NSD1: variants seen among roughly 807,000 people sequenced by gnomAD.
NSD1 encodes histone-lysine N-methyltransferase, H3 lysine-36 specific.
In NSD1, 26 loss-of-function variants were observed where a neutral mutation model predicts 242.7. The ratio of observed to expected loss-of-function variants is 0.11; its 90% CI spans 0.08 to 0.15. NSD1 has a LOEUF of 0.15. Among genes scored for constraint, NSD1 ranks in the 10% least tolerant of loss-of-function variants. NSD1 has a pLI of 1.00. For synonymous variants in NSD1, 1,106 were observed against 1,178.1 expected, an observed-to-expected ratio of 0.94 and a Z score of 1.25; for missense variants, 2,495 against 3,272.8, an observed-to-expected ratio of 0.76 and a Z score of 5.80.
intron 3 of NSD1, among the ~76,000 whole-genome samples, chr5:177,194,579 C>CTT (rs1200627969): frequency 8.0e-4 from 71 of 88,528 alleles, no homozygotes; most frequent in South Asian, 3.0e-3. Context: ...CACCATGCCT[C>CTT]TTTTTTTTTT....
At chr5:177,179,221 T>A (rs1735329714) in intron 2 of NSD1, among the ~76,000 whole-genome samples, 1 of 152,132 alleles carries the variant, frequency 6.6e-6, no homozygotes, top group East Asian at 1.9e-4. Context: ...TTTTGTTTGT[T>A]TTGTTTTTTT....
intron 5 of NSD1, among the ~76,000 whole-genome samples, chr5:177,229,410 C>T (rs1370391966): frequency 6.6e-6 from 1 of 152,134 alleles, no homozygotes; most frequent in East Asian, 1.9e-4. Context: ...TTGGCTCTTG[C>T]TTTGTTTGAT....
intron 3 of NSD1, among the ~76,000 whole-genome samples, chr5:177,201,282 T>C (rs950982556): frequency 6.6e-6 from 1 of 152,106 alleles, no homozygotes; most frequent in Non-Finnish European, 1.5e-5. Context: ...GGATCTTGGC[T>C]CACTGCAACC....
upstream of NSD1, chr5:177,133,509 C>G (rs1340808294): frequency 2.0e-5 from 3 of 151,294 alleles, no homozygotes; most frequent in Admixed American, 2.0e-4. The surrounding 1 kb of genome is among the most constrained non-coding windows in gnomAD (Gnocchi z 6.2). Context: ...CCCGGGCAGC[C>G]GGGCCGGCCC....
chr5:177,238,930 A>G lies in NSD1; in HGVS notation c.4192+423A>G, dbSNP rs1765648878. Reference sequence around the variant, plus strand: ...CTATAAATGGAGATCATAATGTATTAATGTGTAATGTTATATACCTGACAA... The same window carrying G: ...CTATAAATGGAGATCATAATGTATTGATGTGTAATGTTATATACCTGACAA... On this transcript the variant is annotated intron_variant, in intron 7 of 22. Transcript: ENST00000439151. This position sits in a 1 kb window ranked among gnomAD's most constrained non-coding sequence, Gnocchi z 4.6. 6.6e-6 allele frequency among the ~76,000 whole-genome samples: 1 copy of G among 152,228 alleles called. No individual in the cohort carries two copies. Among genetic ancestry groups the G allele is most frequent in the Admixed American group, 6.5e-5 (1 of 15,284 alleles).
At chr5:177,153,367 C>A (rs1475834253) in intron 2 of NSD1, among the ~76,000 whole-genome samples, 7 of 151,956 alleles carry the variant, frequency 4.6e-5, no homozygotes, top group Admixed American at 4.6e-4. Context: ...GCATTTGTCC[C>A]ACACTTAGAT....
At chr5:177,228,380 C>A (rs1184293914) in intron 5 of NSD1, among the ~76,000 whole-genome samples, 1 of 151,486 alleles carries the variant, frequency 6.6e-6, no homozygotes, top group Non-Finnish European at 1.5e-5. Flanking sequence ...CCACGCTAAG[C>A]AGATTTTTGT....
chr5:177,205,262 C>T (rs1287323759), intron 4 of NSD1, among the ~76,000 whole-genome samples: 1 of 152,060 alleles, frequency 6.6e-6, no homozygotes, highest in Non-Finnish European at 1.5e-5. Flanking sequence ...TCTTGAACTC[C>T]TGATGTCAGG....
intron 16 of NSD1, among the ~76,000 whole-genome samples, chr5:177,273,156 A>G (rs1392422424): frequency 1.3e-5 from 2 of 152,142 alleles, no homozygotes; most frequent in Non-Finnish European, 2.9e-5. Flanking sequence ...TTGTTAGGAG[A>G]TGGCATCTGT....
chr5:177,201,995 C>T (rs1287891038), intron 3 of NSD1, among the ~76,000 whole-genome samples: 2 of 151,884 alleles, frequency 1.3e-5, no homozygotes, highest in African/African-American at 4.8e-5. Flanking sequence ...GAGGAAATCT[C>T]GTCTTTACTA....
chr5:177,151,410 C>T (rs1318791095), intron 2 of NSD1, among the ~76,000 whole-genome samples: 7 of 151,778 alleles, frequency 4.6e-5, no homozygotes, highest in South Asian at 4.2e-4. Context: ...ATTTTTGAGA[C>T]GGAGTTTCGC....
chr5:177,142,126 G>A lies in NSD1; in HGVS notation c.927+6096G>A, dbSNP rs182630158. ...TGGGATTACAGGCATGAGCCACTGCGCCCAGCCTATTATTTTCATTTTGAA... is the reference window on the plus strand; with the variant it reads ...TGGGATTACAGGCATGAGCCACTGCACCCAGCCTATTATTTTCATTTTGAA... On this transcript the variant is annotated intron_variant, in intron 2 of 22. Coordinates refer to ENST00000439151, the MANE Select transcript of NSD1 (RefSeq NM_022455.5). Among the ~76,000 whole-genome samples, 377 of 152,236 alleles carry A rather than the reference G, an allele frequency of 2.5e-3. 2 individuals carry two copies. The highest frequency in any genetic ancestry group is 8.7e-3 in the African/African-American group (363 of 41,566).
At chr5:177,254,709 G>A (rs1169751265) in intron 12 of NSD1, among the ~76,000 whole-genome samples, 1 of 152,142 alleles carries the variant, frequency 6.6e-6, no homozygotes, top group African/African-American at 2.4e-5. Flanking sequence ...CGTCCAACCA[G>A]TGTCACAAAG....
In NSD1 at chr5:177,204,151, C is replaced by T. The variant is rs200080728; in HGVS notation, c.1095C>T (p.Tyr365=). ...VSNRRPYRQY[Y]VEAFGDPSER... is the part of the protein sequence containing the mutation. The stretch of plus-strand genomic sequence containing the variant: ...ACCGGAGGCCCTATCGGCAGTACTA[C>T]GTGGAGGCTTTTGGAGATCCTTCTG... Residue 365 remains tyrosine, a synonymous_variant, in exon 4 of 23, where the codon TAC becomes TAT. Coordinates refer to ENST00000439151, the MANE Select transcript of NSD1 (RefSeq NM_022455.5). 6.9e-5 allele frequency: 111 copies of T among 1,613,912 alleles called. No homozygotes were observed. Among genetic ancestry groups the T allele is most frequent in the African/African-American group, 2.7e-5 (2 of 74,892 alleles).
At chr5:177,236,949 G>A (rs964439504) in intron 6 of NSD1, among the ~76,000 whole-genome samples, 14 of 152,152 alleles carry the variant, frequency 9.2e-5, no homozygotes, top group African/African-American at 2.7e-4. Context: ...CAATGTTTCC[G>A]TCTCAGCCTC....
chr5:177,221,023 C>G (rs1358833315), intron 5 of NSD1: 1 of 455,416 alleles, frequency 2.2e-6, no homozygotes, highest in Non-Finnish European at 4.4e-6. Flanking sequence ...TCCACCACCC[C>G]CGGTTAATTT....
Position 177,211,796 on chromosome 5 carries a change from A to G in NSD1, c.3397A>G (p.Lys1133Glu), listed in dbSNP as rs886060441. ...SEKGLSFENGKGPELDSVMNS... is the reference protein window; with the variant it reads ...SEKGLSFENGEGPELDSVMNS... ...AAAAGGACTCTCTTTTGAAAACGGA[A>G]AAGGCCCAGAGCTGGACTCTGTAAT... is the stretch of plus-strand genomic sequence containing the variant. The change falls in exon 5 of 23, where the codon AAA becomes GAA. Residue 1133 changes from lysine (K) to glutamate (E), a missense_variant. Coordinates refer to ENST00000439151, the MANE Select transcript of NSD1 (RefSeq NM_022455.5). The G allele has an allele frequency of 1.2e-6, 2 of 1,614,064 alleles. No homozygotes were observed. Among genetic ancestry groups the G allele is most frequent in the Admixed American group, 1.7e-5 (1 of 59,992 alleles).
chr5:177,294,363 A>G lies in NSD1; in HGVS notation c.6995A>G (p.Lys2332Arg), dbSNP rs1456233625. 3 of 1,614,068 alleles carry G rather than the reference A, an allele frequency of 1.9e-6. No individual in the cohort carries two copies. The highest frequency in any genetic ancestry group is 1.7e-6 in the Non-Finnish European group (2 of 1,180,036). ...VAGPRPQLSDKPSPVTSPSSS... is the reference protein window; with the variant it reads ...VAGPRPQLSDRPSPVTSPSSS... ...GGACCAAGACCCCAGCTAAGCGACAAACCCTCTCCAGTGACCAGCCCAAGC... is the reference window on the plus strand; with the variant it reads ...GGACCAAGACCCCAGCTAAGCGACAGACCCTCTCCAGTGACCAGCCCAAGC... The change falls in exon 23 of 23, where the codon AAA becomes AGA. Residue 2332 changes from lysine (K) to arginine (R), a missense_variant. This residue lies in a region of NSD1 where 475 missense variants were observed against 563.7 expected (regional missense o/e 0.84). Coordinates refer to ENST00000439151, the MANE Select transcript of NSD1 (RefSeq NM_022455.5).
chr5:177,275,434 T>G (rs1429521777), intron 17 of NSD1, among the ~76,000 whole-genome samples: 1 of 112,682 alleles, frequency 8.9e-6, no homozygotes, highest in Non-Finnish European at 1.9e-5. Context: ...GCTTCCCTTG[T>G]CTTTTTTTTT....
Sources: allele counts gnomAD v4.1 joint callset (sites outside exome capture counted in the v4.1 genomes callset), GRCh38; gene constraint gnomAD v4.1.1; regional missense constraint gnomAD v4.1.1; non-coding constraint Gnocchi (gnomAD v3.1); transcripts MANE v1.5; gene names NCBI Gene and HGNC (gene_info 2026-07-23, HGNC 2026-07-21).